Variants in IARS1 observed in about 807,000 individuals in gnomAD.
IARS1 encodes the protein isoleucyl-tRNA synthetase 1, also known as isoleucine--tRNA ligase, cytoplasmic.
Under a neutral mutation model 168.2 loss-of-function variants are expected in IARS1, and 124 were observed. The observed-to-expected ratio is 0.74, with a 90% CI of 0.64 to 0.86. The LOEUF (loss-of-function observed/expected upper bound fraction) is 0.86. Among genes scored for constraint, IARS1 ranks in the 40% least tolerant of loss-of-function variants. The pLI is 0.00. For missense variants in IARS1, 1,452 were observed against 1,515.8 expected, an observed-to-expected ratio of 0.96 and a Z score of 0.70; for synonymous variants, 532 against 529.4, an observed-to-expected ratio of 1.00 and a Z score of -0.07.
intron 10 of IARS1, among the ~76,000 whole-genome samples, chr9:92,272,277 G>A (rs1833155891): frequency 6.6e-6 from 1 of 152,216 alleles, no homozygotes; most frequent in East Asian, 1.9e-4. Flanking sequence ...CTGGAAAGCT[G>A]ACATGCTTCC....
intron 33 of IARS1, among the ~76,000 whole-genome samples, chr9:92,215,932 A>G (rs531206103): frequency 3.8e-4 from 58 of 151,772 alleles, no homozygotes; most frequent in African/African-American, 1.4e-3. Flanking sequence ...CGCCACAAAG[A>G]TACTCCTCGA....
intron 20 of IARS1, 68 bp from the exon 21 acceptor site, chr9:92,253,521 G>C: frequency 2.0e-6 from 2 of 995,370 alleles, no homozygotes; most frequent in Non-Finnish European, 3.2e-6. Context: ...GAGAGGGTTG[G>C]ATACAACAAA....
chr9:92,223,396 G>A lies in IARS1; in HGVS notation c.3503C>T (p.Thr1168Ile), dbSNP rs747772656. 9 of 1,613,848 alleles carry A rather than the reference G, an allele frequency of 5.6e-6. No individual in the cohort carries two copies. The highest frequency in any genetic ancestry group is 7.6e-6 in the Non-Finnish European group (9 of 1,179,840). The change falls in exon 32 of 34, where the codon ACT becomes ATT. Residue 1168 changes from threonine (T) to isoleucine (I), a missense_variant. Transcript: ENST00000443024. ...SAPSLINSSS[T>I]LLCQYINLQL... is the part of the protein sequence containing the mutation. ...TAGGTTGATATACTGACAAAGAAGA[G>A]TACTAGAACTGTTGATCAGAGAGGG... is the stretch of plus-strand genomic sequence containing the variant.
intron 31 of IARS1, among the ~76,000 whole-genome samples, chr9:92,225,152 C>T (rs1825461921): frequency 6.6e-6 from 1 of 152,192 alleles, no homozygotes; most frequent in Non-Finnish European, 1.5e-5. Flanking sequence ...AAAGGCAGTG[C>T]TTTGGTCTTA....
At chr9:92,277,444 G>C (rs1052026419) in intron 9 of IARS1, among the ~76,000 whole-genome samples, 1 of 152,034 alleles carries the variant, frequency 6.6e-6, no homozygotes, top group African/African-American at 2.4e-5. Context: ...CCAGCCAGGT[G>C]CAGTGGCTCA....
intron 33 of IARS1, among the ~76,000 whole-genome samples, chr9:92,214,417 A>G (rs957471139): frequency 1.3e-5 from 2 of 151,982 alleles, no homozygotes; most frequent in African/African-American, 4.8e-5. Context: ...TTGGGGGAGG[A>G]GCCAAGATGG....
rs1000870187 is a variant in IARS1, at chr9:92,214,613, T to G, written c.3707-3724A>C. 4.0e-5 allele frequency among the ~76,000 whole-genome samples: 6 copies of G among 151,508 alleles called. No individual in the cohort carries two copies. In the East Asian group the frequency reaches 1.2e-3, roughly 30 times the overall value. The stretch of plus-strand genomic sequence containing the variant: ...GCGAGGCATTGCCTCACTTGGGAAG[T>G]GCAAGGGGTCAGGGAGTTCCCTTTC... On this transcript the variant is annotated intron_variant, in intron 33 of 33. Coordinates refer to ENST00000443024, the MANE Select transcript of IARS1 (RefSeq NM_002161.6).
chr9:92,243,367 C>T, intron 27 of IARS1, 56 bp from the exon 28 acceptor site: 1 of 1,186,254 alleles, frequency 8.4e-7, no homozygotes. Flanking sequence ...ACACTTCTTC[C>T]CAACTCAGCA....
chr9:92,260,256 G>T (rs370269978), intron 17 of IARS1, 22 bp from the exon 18 acceptor site: 168 of 1,428,388 alleles, frequency 1.2e-4, no homozygotes, highest in Non-Finnish European at 1.5e-4. Context: ...AAAGGGAGAT[G>T]CCAATTAAGT....
chr9:92,213,390 T>C (rs1838089115), intron 33 of IARS1, among the ~76,000 whole-genome samples: 1 of 152,156 alleles, frequency 6.6e-6, no homozygotes, highest in Non-Finnish European at 1.5e-5. Context: ...GAGAATGTAA[T>C]CGGTTAATAA....
chr9:92,212,403 A>G (rs1837907801), intron 33 of IARS1, among the ~76,000 whole-genome samples: 1 of 152,246 alleles, frequency 6.6e-6, no homozygotes, highest in South Asian at 2.1e-4. Context: ...CTCACCCACT[A>G]AACTTTTGCC....
chr9:92,257,741 C>G (rs1349565745), intron 19 of IARS1, among the ~76,000 whole-genome samples: 1 of 152,190 alleles, frequency 6.6e-6, no homozygotes, highest in South Asian at 2.1e-4. Flanking sequence ...TTTTTCCAAC[C>G]AGCTTTTTCA....
intron 31 of IARS1, 21 bp downstream of exon 31, chr9:92,228,980 C>T (rs1444848520): frequency 1.2e-6 from 2 of 1,613,134 alleles, no homozygotes; most frequent in Non-Finnish European, 1.7e-6. Context: ...AGGACGTAGG[C>T]TCCTCTCACT....
intron 30 of IARS1, among the ~76,000 whole-genome samples, chr9:92,235,232 G>A (rs557024941): frequency 1.3e-5 from 2 of 152,182 alleles, no homozygotes; most frequent in African/African-American, 4.8e-5. Flanking sequence ...TCGTCATGCC[G>A]TGGTCCACTG....
chr9:92,247,573 A>T lies in IARS1; in HGVS notation c.2617-22T>A, dbSNP rs1303189740. The T allele has an allele frequency of 1.9e-6, 3 of 1,602,836 alleles. No homozygotes were observed. In the African/African-American group the frequency reaches 4.0e-5, roughly 22 times the overall value. ...GTTCCTACAGTTAATGCACAAGAGG[A>T]AACAAAAATGAGAAATGAAAACATA... On this transcript the variant is annotated intron_variant, in intron 25 of 33. Coordinates refer to ENST00000443024, the MANE Select transcript of IARS1 (RefSeq NM_002161.6).
chr9:92,214,421 A>G (rs1838277714), intron 33 of IARS1, among the ~76,000 whole-genome samples: 1 of 152,100 alleles, frequency 6.6e-6, no homozygotes, highest in Non-Finnish European at 1.5e-5. Context: ...GGGAGGAGCC[A>G]AGATGGCCAA....
At chr9:92,246,083 G>C (rs1829158010) in intron 26 of IARS1, among the ~76,000 whole-genome samples, 1 of 152,062 alleles carries the variant, frequency 6.6e-6, no homozygotes. Context: ...GCCATCTCAG[G>C]AATTTTTGAT....
intron 30 of IARS1, among the ~76,000 whole-genome samples, chr9:92,229,469 G>A (rs1299730586): frequency 6.6e-6 from 1 of 151,632 alleles, no homozygotes; most frequent in Admixed American, 6.6e-5. Context: ...ATCTGTTCTT[G>A]TCTTTTTCTA....
chr9:92,289,904 C>G (rs1157401481), intron 1 of IARS1, among the ~76,000 whole-genome samples: 1 of 152,184 alleles, frequency 6.6e-6, no homozygotes, highest in Non-Finnish European at 1.5e-5. Flanking sequence ...CTTTTGATAG[C>G]TGAATAGTAT....
Sources: allele counts gnomAD v4.1 joint callset (sites outside exome capture counted in the v4.1 genomes callset), GRCh38; gene constraint gnomAD v4.1.1; transcripts MANE v1.5; gene names NCBI Gene and HGNC (gene_info 2026-07-23, HGNC 2026-07-21).